Variants in PBX3 observed in about 807,000 individuals in gnomAD.
PBX3 encodes the protein pre-B-cell leukemia transcription factor 3.
In PBX3, 14 loss-of-function variants were observed where a neutral mutation model predicts 48.5. The ratio of observed to expected loss-of-function variants is 0.29; its 90% CI spans 0.19 to 0.45. The LOEUF is 0.45. Ranked by LOEUF, PBX3 falls within the 20% of genes least tolerant of loss-of-function variation. The pLI, the probability that PBX3 is intolerant of heterozygous loss-of-function variation, is 1.00. For missense variants in PBX3, 386 were observed against 546.7 expected, an observed-to-expected ratio of 0.71 and a Z score of 2.93; for synonymous variants, 210 against 200.3, an observed-to-expected ratio of 1.05 and a Z score of -0.41.
In PBX3 at chr9:125,966,026, C is replaced by G. The variant is rs569235372; in HGVS notation, c.*103C>G. 146 of 717,518 alleles carry G rather than the reference C, an allele frequency of 2.0e-4. No individual in the cohort carries two copies. The highest frequency in any genetic ancestry group is 3.3e-4 in the Non-Finnish European group (137 of 411,990). The allele number at this position is 717,518 out of a possible 1,614,324, so 44.4% of individuals were successfully genotyped here. A position where few individuals can be genotyped will look rare whatever the true frequency, so the allele number is the denominator to read the frequency against. On this transcript the variant is annotated 3_prime_UTR_variant, in exon 9 of 9. Transcript: ENST00000373489. ...TTGTAGCCCACCATCTACAGCTTTACTGTAAAACCTTGTCTTATTCGAGAA... is the reference window on the plus strand; with the variant it reads ...TTGTAGCCCACCATCTACAGCTTTAGTGTAAAACCTTGTCTTATTCGAGAA...
At position 125,759,523 on chromosome 9, in the gene PBX3, A is replaced by G. The variant is rs1465959910; in HGVS notation, c.274+10900A>G. ...AGGAGAAGTTGTCAATGAAAGAAAAAGAACTGTAATCGCACATTTACATAT... is the reference window on the plus strand; with the variant it reads ...AGGAGAAGTTGTCAATGAAAGAAAAGGAACTGTAATCGCACATTTACATAT... On this transcript the variant is annotated intron_variant, in intron 2 of 8. Transcript: ENST00000373489. The surrounding 1 kb of genome is among the most constrained non-coding windows in gnomAD (Gnocchi z 4.2). Among the ~76,000 whole-genome samples, 1 of 152,226 alleles carries G rather than the reference A, an allele frequency of 6.6e-6. No individual in the cohort carries two copies. Among genetic ancestry groups the G allele is most frequent in the African/African-American group, 2.4e-5 (1 of 41,452 alleles).
At chr9:125,919,438 T>G (rs1304238357) in intron 3 of PBX3, among the ~76,000 whole-genome samples, 1 of 149,820 alleles carries the variant, frequency 6.7e-6, no homozygotes, top group East Asian at 2.0e-4. Context: ...CTTGAACTCC[T>G]GACCTCATGA....
chr9:125,803,943 C>T (rs1270973149), intron 2 of PBX3, among the ~76,000 whole-genome samples: 2 of 152,040 alleles, frequency 1.3e-5, no homozygotes, highest in African/African-American at 4.8e-5. Context: ...GTAGACTCTA[C>T]ATGTCGTAAA....
In PBX3 at chr9:125,842,162, G is replaced by A. The variant is rs75934044; in HGVS notation, c.275-73524G>A. 2.9e-3 allele frequency among the ~76,000 whole-genome samples: 436 copies of A among 152,228 alleles called. 13 individuals are homozygous for A. The East Asian group carries it at 0.072, about 25-fold the overall frequency. ...CCTTAAGATGGGGTTAGAAATATAAGTCATTTCTTAAAGCAAAAAGTTGCT... is the reference window on the plus strand; with the variant it reads ...CCTTAAGATGGGGTTAGAAATATAAATCATTTCTTAAAGCAAAAAGTTGCT... On this transcript the variant is annotated intron_variant, in intron 2 of 8. Coordinates refer to ENST00000373489, the MANE Select transcript of PBX3 (RefSeq NM_006195.6).
chr9:125,852,759 G>A (rs904654491), intron 2 of PBX3, among the ~76,000 whole-genome samples: 10 of 152,218 alleles, frequency 6.6e-5, no homozygotes, highest in African/African-American at 2.4e-4. Flanking sequence ...AACTTTTTCT[G>A]AGAATATTAC....
chr9:125,837,684 G>A (rs1419650103), intron 2 of PBX3, among the ~76,000 whole-genome samples: 1 of 151,074 alleles, frequency 6.6e-6, no homozygotes, highest in African/African-American at 2.4e-5. Context: ...TTTTCTCCCT[G>A]GGTTCATGCC....
At chr9:125,790,844 G>T (rs972869386) in intron 2 of PBX3, among the ~76,000 whole-genome samples, 2 of 151,846 alleles carry the variant, frequency 1.3e-5, no homozygotes, top group African/African-American at 4.8e-5. Context: ...GTGAGCCACC[G>T]TTCCCTGCTG....
At position 125,836,647 on chromosome 9, in the gene PBX3, A is replaced by G. The variant is rs550047303; in HGVS notation, c.275-79039A>G. 8.5e-5 allele frequency among the ~76,000 whole-genome samples: 13 copies of G among 152,326 alleles called. No individual in the cohort carries two copies. In the East Asian group the frequency reaches 1.7e-3, roughly 20 times the overall value. ...ATTTATTGTATATTTCAAAGTAGCT[A>G]TAAGAGTGACATTGGAATGTTCCCA... On this transcript the variant is annotated intron_variant, in intron 2 of 8. Coordinates refer to ENST00000373489, the MANE Select transcript of PBX3 (RefSeq NM_006195.6).
intron 2 of PBX3, among the ~76,000 whole-genome samples, chr9:125,841,684 A>G (rs540652943): frequency 7.9e-5 from 12 of 152,276 alleles, no homozygotes; most frequent in African/African-American, 2.4e-4. Context: ...CCTCTAGTAC[A>G]TAGACCCAGC....
chr9:125,754,906 A>G (rs1401624675), intron 2 of PBX3, among the ~76,000 whole-genome samples: 1 of 152,098 alleles, frequency 6.6e-6, no homozygotes, highest in Non-Finnish European at 1.5e-5. Flanking sequence ...ATAATTGTTA[A>G]AAGTTTTCTA....
intron 5 of PBX3, among the ~76,000 whole-genome samples, chr9:125,939,247 A>T (rs1841907381): frequency 6.6e-6 from 1 of 152,064 alleles, no homozygotes; most frequent in African/African-American, 2.4e-5. Context: ...TATATAAGGA[A>T]CTCCTATAAA....
chr9:125,809,827 A>G (rs541040886), intron 2 of PBX3, among the ~76,000 whole-genome samples: 1 of 152,316 alleles, frequency 6.6e-6, no homozygotes, highest in African/African-American at 2.4e-5. Context: ...AAGAATTCCT[A>G]TAAATTATTA....
intron 3 of PBX3, among the ~76,000 whole-genome samples, chr9:125,928,981 T>C (rs1841652576): frequency 6.6e-6 from 1 of 152,252 alleles, no homozygotes; most frequent in African/African-American, 2.4e-5. Context: ...ATATTATCTG[T>C]ATTCCTATTT....
At chr9:125,917,633 A>G (rs997124537) in intron 3 of PBX3, among the ~76,000 whole-genome samples, 1 of 152,038 alleles carries the variant, frequency 6.6e-6, no homozygotes, top group African/African-American at 2.4e-5. Context: ...AGTTTCAATT[A>G]TATATATCGT....
chr9:125,801,288 G>T (rs562084995), intron 2 of PBX3, among the ~76,000 whole-genome samples: 4 of 152,102 alleles, frequency 2.6e-5, no homozygotes, highest in African/African-American at 9.7e-5. Flanking sequence ...TCAGGCTGCC[G>T]AATTAGGCTG....
rs534684399 is a variant in PBX3, at chr9:125,920,235, G to A, written c.516+4308G>A. ...ACATTGCCTCGCTTTTTAGCTAAGA[G>A]ACAAATCTAGTTGCTTCTCTGTCTT... is the stretch of plus-strand genomic sequence containing the variant. On this transcript the variant is annotated intron_variant, in intron 3 of 8. Transcript: ENST00000373489. Among the ~76,000 whole-genome samples, 3 of 152,272 alleles carry A rather than the reference G, an allele frequency of 2.0e-5. No individual in the cohort carries two copies. In the South Asian group the frequency reaches 6.2e-4, roughly 32 times the overall value.
Position 125,932,023 on chromosome 9 carries a change from G to C in PBX3, c.707+2178G>C, listed in dbSNP as rs187679025. 1.1e-4 allele frequency among the ~76,000 whole-genome samples: 17 copies of C among 152,202 alleles called. No homozygotes were observed. In the East Asian group the frequency reaches 3.3e-3, roughly 29 times the overall value. ...ATATATCACTAAATTGTTCTTTCCT[G>C]TGTTTCTTCCAAAATGAAATGCTTC... On this transcript the variant is annotated intron_variant, in intron 4 of 8. Coordinates refer to ENST00000373489, the MANE Select transcript of PBX3 (RefSeq NM_006195.6).
intron 2 of PBX3, among the ~76,000 whole-genome samples, chr9:125,859,405 GC>G (rs1224099129): frequency 6.6e-6 from 1 of 152,156 alleles, no homozygotes; most frequent in African/African-American, 2.4e-5. Flanking sequence ...CTACTGCAAG[GC>G]CTCCAATGGG....
chr9:125,909,963 G>A (rs1317943341), intron 2 of PBX3, among the ~76,000 whole-genome samples: 1 of 152,136 alleles, frequency 6.6e-6, no homozygotes, highest in African/African-American at 2.4e-5. Flanking sequence ...GTTAGAAATA[G>A]GCATTCTGCC....
Sources: gnomAD v4.1 joint callset for allele counts (sites outside exome capture counted in the v4.1 genomes callset) on GRCh38, gnomAD v4.1.1 for gene constraint, Gnocchi (gnomAD v3.1) non-coding constraint, MANE v1.5 for transcripts, NCBI Gene and HGNC (gene_info 2026-07-23, HGNC 2026-07-21) for gene names.